Variants in UGT2B28 observed in about 807,000 individuals in gnomAD.
UGT2B28 encodes UDP glucuronosyltransferase family 2 member B28, also known as UDP-glucuronosyltransferase 2B28.
Under a neutral mutation model 43.6 loss-of-function variants are expected in UGT2B28, and 45 were observed. The ratio of observed to expected loss-of-function variants is 1.03; its 90% CI spans 0.81 to 1.32. The LOEUF (loss-of-function observed/expected upper bound fraction) is 1.32, where lower values mean the gene tolerates loss of function less well. Ranked by LOEUF, UGT2B28 falls within the 40% of genes most tolerant of loss-of-function variation. The probability of loss-of-function intolerance (pLI) is 0.00; values close to 1 mark genes in which losing one functional copy is unlikely to be tolerated. For synonymous variants in UGT2B28, 204 were observed against 208.1 expected (o/e 0.98, Z 0.17); for missense variants, 649 against 625.5 (o/e 1.04, Z -0.40).
chr4:69,290,482 G>A (rs1723919307), intron 4 of UGT2B28, 110 bp from the exon 5 acceptor site: 3 of 1,363,020 alleles, frequency 2.2e-6, no homozygotes, highest in East Asian at 2.4e-5. Context: ...AAAAGTAATG[G>A]CAAATTAGTT....
Position 69,282,676 on chromosome 4 carries a change from C to T in UGT2B28, c.870+14C>T, listed in dbSNP as rs764494645. The T allele has an allele frequency of 5.8e-5, 90 of 1,539,638 alleles. 15 individuals carry two copies. Among genetic ancestry groups the T allele is most frequent in the Admixed American group, 4.7e-4 (24 of 51,400 alleles). On this transcript the variant is annotated intron_variant, in intron 2 of 5. Coordinates refer to ENST00000335568, the MANE Select transcript of UGT2B28 (RefSeq NM_053039.2). ...CCCCTACCTAAGGTAAACATACTTTCGTTGGTTTTATTTTGTTGGCTTCGA... is the reference window on the plus strand; with the variant it reads ...CCCCTACCTAAGGTAAACATACTTTTGTTGGTTTTATTTTGTTGGCTTCGA...
At chr4:69,281,481 A>C (rs1201322891) in intron 1 of UGT2B28, among the ~76,000 whole-genome samples, 1 of 140,924 alleles carries the variant, frequency 7.1e-6, no homozygotes, top group Non-Finnish European at 1.5e-5. Context: ...TAAGACTTTA[A>C]GCAATTACAC....
At position 69,284,295 on chromosome 4, in the gene UGT2B28, C is replaced by A. The variant is rs535005032; in HGVS notation, c.870+1633C>A. Among the ~76,000 whole-genome samples the A allele has an allele frequency of 6.4e-5, 9 of 140,500 alleles. 1 individual carries two copies. Among genetic ancestry groups the A allele is most frequent in the East Asian group, 2.0e-4 (1 of 4,914 alleles). The allele number at this position is 140,500 out of a possible 152,430, so 92.2% of individuals were successfully genotyped here. On this transcript the variant is annotated intron_variant, in intron 2 of 5. Coordinates refer to ENST00000335568, the MANE Select transcript of UGT2B28 (RefSeq NM_053039.2). ...TTCTGTCAGCATATAAGATTATATT[C>A]TTTTTGAAGGAACAGAAAAATCTCA... is the stretch of plus-strand genomic sequence containing the variant.
intron 4 of UGT2B28, among the ~76,000 whole-genome samples, chr4:69,290,323 C>A (rs1424064660): frequency 1.4e-5 from 2 of 139,694 alleles, no homozygotes; most frequent in East Asian, 4.1e-4. Flanking sequence ...TTGCTGTCCT[C>A]TTTTGTGCAC....
intron 5 of UGT2B28, among the ~76,000 whole-genome samples, chr4:69,292,420 G>T (rs1292983137): frequency 2.1e-5 from 3 of 140,370 alleles, no homozygotes; most frequent in Non-Finnish European, 4.6e-5. Context: ...GTTTAAAGAA[G>T]ATGGGAAATA....
At chr4:69,284,232 T>C (rs1248065372) in intron 2 of UGT2B28, among the ~76,000 whole-genome samples, 1 of 140,082 alleles carries the variant, frequency 7.1e-6, no homozygotes, top group Admixed American at 7.2e-5. Flanking sequence ...CTACCACTTG[T>C]ATCTGAATAG....
chr4:69,294,220 A>T (rs1724037117), intron 5 of UGT2B28, among the ~76,000 whole-genome samples: 1 of 139,126 alleles, frequency 7.2e-6, no homozygotes, highest in Admixed American at 7.2e-5. Context: ...TATACACTTA[A>T]TATGGACCCA....
chr4:69,288,371 C>G (rs1723840858), intron 3 of UGT2B28, among the ~76,000 whole-genome samples: 1 of 138,814 alleles, frequency 7.2e-6, no homozygotes, highest in African/African-American at 2.8e-5. Flanking sequence ...AATATAATAA[C>G]CTACCGACAA....
At chr4:69,281,974 GA>G (rs1439130362) in intron 1 of UGT2B28, among the ~76,000 whole-genome samples, 3 of 140,074 alleles carry the variant, frequency 2.1e-5, no homozygotes, top group Non-Finnish European at 4.6e-5. Context: ...TTACTTAAAT[GA>G]TAATATTATT....
chr4:69,284,477 T>C lies in UGT2B28; in HGVS notation c.870+1815T>C, dbSNP rs1371441216. 2.1e-5 allele frequency among the ~76,000 whole-genome samples: 3 copies of C among 140,292 alleles called. 1 individual carries two copies. The highest frequency in any genetic ancestry group is 3.0e-5 in the Non-Finnish European group (2 of 65,628). The allele number at this position is 140,292 out of a possible 152,430, so 92.0% of individuals were successfully genotyped here. ...CAGTATCTATGTTTAATGCAAATTG[T>C]ATGGGCTTTATATAGTCACTTTCTC... On this transcript the variant is annotated intron_variant, in intron 2 of 5. Coordinates refer to ENST00000335568, the MANE Select transcript of UGT2B28 (RefSeq NM_053039.2).
In UGT2B28 at chr4:69,281,532, G is replaced by A. The variant is rs750897905; in HGVS notation, c.721+311G>A. Among the ~76,000 whole-genome samples, 4 of 140,730 alleles carry A rather than the reference G, an allele frequency of 2.8e-5. 1 individual carries two copies. Among genetic ancestry groups the A allele is most frequent in the Non-Finnish European group, 4.6e-5 (3 of 65,780 alleles). 92.3% of individuals were successfully genotyped at this position (140,730 alleles called of 152,430 possible). On this transcript the variant is annotated intron_variant, in intron 1 of 5. Transcript: ENST00000335568. ...TAATGTTTTAGATCTTAAAAACAGT[G>A]AAATCCATCAAGTAACATCTTACTG...
intron 5 of UGT2B28, among the ~76,000 whole-genome samples, chr4:69,292,702 G>A (rs1723988284): frequency 7.2e-6 from 1 of 139,356 alleles, no homozygotes; most frequent in Non-Finnish European, 1.5e-5. Flanking sequence ...CCTGGAGTAC[G>A]TCAAATAGTT....
rs1431680282 is a variant in UGT2B28 at position 69,292,445 on chromosome 4, C to A, written c.1310+1634C>A. Among the ~76,000 whole-genome samples the A allele has an allele frequency of 4.3e-5, 6 of 140,190 alleles. 2 individuals carry two copies. Among genetic ancestry groups the A allele is most frequent in the Non-Finnish European group, 9.2e-5 (6 of 65,554 alleles). The allele number at this position is 140,190 out of a possible 152,430, so 92.0% of individuals were successfully genotyped here. Reference sequence around the variant, plus strand: ...GATGGGAAATAATTGAAAAGCAACACAAACCAGCTTGGACAAATAGAAAAG... The same window carrying A: ...GATGGGAAATAATTGAAAAGCAACAAAAACCAGCTTGGACAAATAGAAAAG... On this transcript the variant is annotated intron_variant, in intron 5 of 5. Transcript: ENST00000335568.
intron 5 of UGT2B28, among the ~76,000 whole-genome samples, chr4:69,291,930 C>T (rs1366074826): frequency 7.1e-6 from 1 of 140,244 alleles, no homozygotes; most frequent in African/African-American, 2.8e-5. Flanking sequence ...AAAATGATCT[C>T]TCATCCTGGT....
In UGT2B28 at chr4:69,293,841, A is replaced by C. The variant is rs1204035915; in HGVS notation, c.1311-689A>C. 2.8e-5 allele frequency among the ~76,000 whole-genome samples: 4 copies of C among 140,624 alleles called. 1 individual carries two copies. The highest frequency in any genetic ancestry group is 7.2e-5 in the Admixed American group (1 of 13,968). 92.3% of individuals were successfully genotyped at this position (140,624 alleles called of 152,430 possible). Reference sequence around the variant, plus strand: ...GAATGAGAAGCCAGGCAAAAATCTTAATCAGAAGAGTGCCATAATCTGACT... The same window carrying C: ...GAATGAGAAGCCAGGCAAAAATCTTCATCAGAAGAGTGCCATAATCTGACT... On this transcript the variant is annotated intron_variant, in intron 5 of 5. Coordinates refer to ENST00000335568, the MANE Select transcript of UGT2B28 (RefSeq NM_053039.2).
rs562793960 is a variant in UGT2B28 at position 69,292,410 on chromosome 4, G to C, written c.1310+1599G>C. Among the ~76,000 whole-genome samples, 6 of 140,186 alleles carry C rather than the reference G, an allele frequency of 4.3e-5. 1 individual carries two copies. The highest frequency in any genetic ancestry group is 1.7e-4 in the African/African-American group (6 of 36,048). The allele number at this position is 140,186 out of a possible 152,430, so 92.0% of individuals were successfully genotyped here. The stretch of plus-strand genomic sequence containing the variant: ...GAAGGATAATGAATGATCAATATAT[G>C]TTTAAAGAAGATGGGAAATAATTGA... On this transcript the variant is annotated intron_variant, in intron 5 of 5. Coordinates refer to ENST00000335568, the MANE Select transcript of UGT2B28 (RefSeq NM_053039.2).
At chr4:69,281,317 T>C (rs1287318441) in intron 1 of UGT2B28, 96 bp downstream of exon 1, 1 of 1,312,896 alleles carries the variant, frequency 7.6e-7, no homozygotes, top group African/African-American at 1.7e-5. Flanking sequence ...AAGTGGAGTT[T>C]TTGGTAAGTG....
intron 5 of UGT2B28, among the ~76,000 whole-genome samples, chr4:69,291,641 C>T (rs1245967366): frequency 1.4e-5 from 2 of 140,118 alleles, no homozygotes; most frequent in African/African-American, 5.6e-5. Flanking sequence ...GTTCATTTGT[C>T]AGTTCATTGG....
At position 69,286,639 on chromosome 4, in the gene UGT2B28, C is replaced by T. The variant is rs1343376743; in HGVS notation, c.871-113C>T. 9 of 1,360,036 alleles carry T rather than the reference C, an allele frequency of 6.6e-6. No individual in the cohort carries two copies. In the East Asian group the frequency reaches 1.0e-4, roughly 15 times the overall value. The allele number at this position is 1,360,036 out of a possible 1,614,324, so 84.2% of individuals were successfully genotyped here. The stretch of plus-strand genomic sequence containing the variant: ...TGAGTCAGTTAAAAAATATTATTTA[C>T]TCCAATAATTCCTCAAAATACTTGA... On this transcript the variant is annotated intron_variant, in intron 2 of 5. Coordinates refer to ENST00000335568, the MANE Select transcript of UGT2B28 (RefSeq NM_053039.2).
Sources: gnomAD v4.1 joint callset for allele counts (sites outside exome capture counted in the v4.1 genomes callset) on GRCh38, gnomAD v4.1.1 for gene constraint, MANE v1.5 for transcripts, NCBI Gene and HGNC (gene_info 2026-07-23, HGNC 2026-07-21) for gene names.